The following STOX2 variants were observed in gnomAD, a reference collection of about 807,000 sequenced individuals.
STOX2 encodes storkhead box 2.
Under a neutral mutation model 60.9 loss-of-function variants are expected in STOX2, and 28 were observed. The observed-to-expected ratio is 0.46, with a 90% CI of 0.34 to 0.63. The LOEUF (loss-of-function observed/expected upper bound fraction) is 0.63, where lower values mean the gene tolerates loss of function less well. STOX2 is among the 30% of genes least tolerant of loss of function. The pLI, the probability that STOX2 is intolerant of heterozygous loss-of-function variation, is 0.01. For missense variants in STOX2, 1,024 were observed against 1,187.7 expected (o/e 0.86, Z 2.03); for synonymous variants, 472 against 463.9 (o/e 1.02, Z -0.22).
rs993972507 is a variant in STOX2, at chr4:184,001,254, G to T, written c.167-71G>T. 1 of 1,496,152 alleles carries T rather than the reference G, an allele frequency of 6.7e-7. No individual in the cohort carries two copies. The highest frequency in any genetic ancestry group is 9.2e-7 in the Non-Finnish European group (1 of 1,083,604). The allele number at this position is 1,496,152 out of a possible 1,614,324, so 92.7% of individuals were successfully genotyped here. On this transcript the variant is annotated intron_variant, in intron 1 of 3. Coordinates refer to ENST00000308497, the MANE Select transcript of STOX2 (RefSeq NM_020225.3). This position sits in a 1 kb window ranked among gnomAD's most constrained non-coding sequence, Gnocchi z 4.2. Reference sequence around the variant, plus strand: ...CGTCAGACCAGGGCCAGATGGACGCGTGAAGGCGTGTGTCTGACAGATGAC... The same window carrying T: ...CGTCAGACCAGGGCCAGATGGACGCTTGAAGGCGTGTGTCTGACAGATGAC...
At chr4:183,852,951 C>G (rs1014230966) in intron 1 of STOX2, among the ~76,000 whole-genome samples, 10 of 152,110 alleles carry the variant, frequency 6.6e-5, no homozygotes, top group African/African-American at 2.4e-4. Flanking sequence ...GAGGTTGAAG[C>G]TCCAGATAAG....
intron 1 of STOX2, among the ~76,000 whole-genome samples, chr4:183,969,417 G>T (rs1222206234): frequency 6.6e-6 from 1 of 152,114 alleles, no homozygotes; most frequent in Non-Finnish European, 1.5e-5. Context: ...TTAAAAATTA[G>T]CCTGATTTGT....
At chr4:183,845,571 A>G (rs1403681161) in intron 1 of STOX2, among the ~76,000 whole-genome samples, 1 of 152,170 alleles carries the variant, frequency 6.6e-6, no homozygotes, top group African/African-American at 2.4e-5. Context: ...GTTTTGAACA[A>G]GGGAGTTGCA....
intron 1 of STOX2, among the ~76,000 whole-genome samples, chr4:183,965,977 G>C (rs570694647): frequency 6.6e-6 from 1 of 151,898 alleles, no homozygotes; most frequent in Non-Finnish European, 1.5e-5. Context: ...TTATGGGATA[G>C]AGTGAACATT....
intron 1 of STOX2, among the ~76,000 whole-genome samples, chr4:183,816,544 C>T (rs564324117): frequency 4.4e-4 from 67 of 152,228 alleles, no homozygotes; most frequent in African/African-American, 1.5e-3. Context: ...CTATTGAGTA[C>T]TGTATTCACT....
intron 1 of STOX2, among the ~76,000 whole-genome samples, chr4:183,918,171 G>A (rs933568798): frequency 9.9e-5 from 15 of 152,150 alleles, no homozygotes; most frequent in African/African-American, 2.9e-4. Context: ...GGGATTCTTC[G>A]CCTGATATTT....
intron 1 of STOX2, among the ~76,000 whole-genome samples, chr4:183,850,460 G>GTGA (rs1348326696): frequency 2.6e-5 from 4 of 152,200 alleles, no homozygotes; most frequent in African/African-American, 9.6e-5. Flanking sequence ...TGGGCATGGT[G>GTGA]GCTCACACCT....
intron 1 of STOX2, among the ~76,000 whole-genome samples, chr4:183,835,447 A>T (rs1018801735): frequency 2.6e-5 from 4 of 151,940 alleles, no homozygotes; most frequent in Non-Finnish European, 5.9e-5. Flanking sequence ...GATGGTCTTG[A>T]TCTCCTGACC....
intron 1 of STOX2, among the ~76,000 whole-genome samples, chr4:183,849,682 C>T (rs932494532): frequency 6.6e-6 from 1 of 152,134 alleles, no homozygotes; most frequent in Non-Finnish European, 1.5e-5. Flanking sequence ...CTACCAAGAT[C>T]TCTACAGCCA....
Position 183,939,945 on chromosome 4 carries a change from T to C in STOX2, c.166+32989T>C, listed in dbSNP as rs968897846. Among the ~76,000 whole-genome samples the C allele has an allele frequency of 2.0e-5, 3 of 152,174 alleles. No individual in the cohort carries two copies. In the East Asian group the frequency reaches 5.8e-4, roughly 29 times the overall value. ...TTTTAATGGAATCTCGCTCTGTCGC[T>C]CAGGCTGGAGTGCAATGGCACGATC... On this transcript the variant is annotated intron_variant, in intron 1 of 3. Transcript: ENST00000308497.
At chr4:183,874,245 A>G (rs1419341994) in intron 1 of STOX2, among the ~76,000 whole-genome samples, 1 of 152,206 alleles carries the variant, frequency 6.6e-6, no homozygotes, top group East Asian at 1.9e-4. Context: ...TTTTCTTATC[A>G]GTGACACTGG....
At chr4:183,975,015 T>A (rs1372267546) in intron 1 of STOX2, among the ~76,000 whole-genome samples, 2 of 152,110 alleles carry the variant, frequency 1.3e-5, no homozygotes, top group Non-Finnish European at 2.9e-5. Context: ...ATAATGAGAT[T>A]TAACTAGAAA....
intron 1 of STOX2, among the ~76,000 whole-genome samples, chr4:183,932,022 G>T (rs1206158910): frequency 6.6e-6 from 1 of 152,166 alleles, no homozygotes; most frequent in Non-Finnish European, 1.5e-5. Context: ...CGTGGAGCAG[G>T]TGATGATGGT....
intron 1 of STOX2, among the ~76,000 whole-genome samples, chr4:183,874,630 C>CTA (rs33916544): frequency 0.5 from 75,576 of 149,974 alleles, 19,618 homozygotes; most frequent in East Asian, 0.58. Flanking sequence ...TATGCAGAGA[C>CTA]TATATATATA....
chr4:183,853,858 C>T (rs1000532464), intron 1 of STOX2: 12 of 152,178 alleles, frequency 7.9e-5, no homozygotes, highest in African/African-American at 2.4e-4. Flanking sequence ...GTATATTGAG[C>T]TCTGGGGTGT....
chr4:183,899,438 T>C (rs1472403655), intron 1 of STOX2, among the ~76,000 whole-genome samples: 1 of 152,150 alleles, frequency 6.6e-6, no homozygotes, highest in Admixed American at 6.5e-5. Context: ...CGAAAAGTTG[T>C]TGAAGGAAAT....
intron 1 of STOX2, among the ~76,000 whole-genome samples, chr4:183,977,819 A>G (rs558832780): frequency 6.6e-6 from 1 of 152,268 alleles, no homozygotes; most frequent in South Asian, 2.1e-4. Context: ...GTGTATAAGC[A>G]TTTCCTTTTC....
At chr4:183,966,703 G>C (rs1035215955) in intron 1 of STOX2, among the ~76,000 whole-genome samples, 2 of 152,228 alleles carry the variant, frequency 1.3e-5, no homozygotes, top group African/African-American at 4.8e-5. Context: ...TTTAGCATGA[G>C]TGCTTAAATG....
chr4:183,923,963 G>A (rs745436759), intron 1 of STOX2, among the ~76,000 whole-genome samples: 7 of 152,198 alleles, frequency 4.6e-5, no homozygotes, highest in Non-Finnish European at 8.8e-5. Context: ...GGTTCCTTCT[G>A]CAGAATCATC....
Sources: gnomAD v4.1 joint callset for allele counts (sites outside exome capture counted in the v4.1 genomes callset) on GRCh38, gnomAD v4.1.1 for gene constraint, Gnocchi (gnomAD v3.1) non-coding constraint, MANE v1.5 for transcripts, NCBI Gene and HGNC (gene_info 2026-07-23, HGNC 2026-07-21) for gene names.